Variants in ZNF318 observed in about 807,000 individuals in gnomAD.
The protein encoded by ZNF318 is endocrine regulator.
A neutral mutation model predicts 124.2 loss-of-function variants in ZNF318; 51 were observed. That is an observed-to-expected ratio of 0.41 (90% CI 0.33 to 0.52). The LOEUF (loss-of-function observed/expected upper bound fraction) is 0.52, where lower values mean the gene tolerates loss of function less well. Among genes scored for constraint, ZNF318 ranks in the 20% least tolerant of loss-of-function variants. The probability of loss-of-function intolerance (pLI) is 0.23; values close to 1 mark genes in which losing one functional copy is unlikely to be tolerated. For synonymous variants in ZNF318, 1,090 were observed against 1,040.7 expected, an observed-to-expected ratio of 1.05 and a Z score of -0.91; for missense variants, 2,815 against 2,811.2, an observed-to-expected ratio of 1.00 and a Z score of -0.03.
intron 2 of ZNF318, among the ~76,000 whole-genome samples, chr6:43,358,454 G>C (rs1269965793): frequency 7.0e-6 from 1 of 142,780 alleles, no homozygotes; most frequent in East Asian, 2.1e-4. Context: ...AGTAGAGACA[G>C]GGTTTCACCA....
intron 1 of ZNF318, among the ~76,000 whole-genome samples, chr6:43,366,727 G>A (rs1779765850): frequency 6.6e-6 from 1 of 152,182 alleles, no homozygotes; most frequent in Non-Finnish European, 1.5e-5. Context: ...GATCGCTTGA[G>A]CGTGGGAGTT....
rs144311647 is a variant in ZNF318 at position 43,337,633 on chromosome 6, C to T, written c.6365G>A (p.Gly2122Glu). ...TAACAGGTCAAGGGCCTGGTGTGTT[C>T]CCTCTAGGCCCCCCAAGCCACGGTC... ...NVDRGLGGLE[G>E]THQALDLLAG... The change falls in exon 10 of 10, where the codon GGA becomes GAA. Residue 2122 changes from glycine (G) to glutamate (E), a missense_variant. By Grantham distance (98) the Gly-to-Glu change is moderately conservative. Coordinates refer to ENST00000361428, the MANE Select transcript of ZNF318 (RefSeq NM_014345.3). 1.9e-6 allele frequency: 3 copies of T among 1,614,064 alleles called. No homozygotes were observed. Among genetic ancestry groups the T allele is most frequent in the South Asian group, 2.2e-5 (2 of 91,078 alleles).
At chr6:43,357,066 A>G (rs772355333) in intron 3 of ZNF318, 60 bp downstream of exon 3, 13 of 1,519,518 alleles carry the variant, frequency 8.6e-6, no homozygotes, top group Middle Eastern at 2.1e-4. Flanking sequence ...CAGGAAAGTA[A>G]GCAGGCTTTA....
At chr6:43,342,603 A>C in intron 7 of ZNF318, 73 bp downstream of exon 7, 1 of 1,488,706 alleles carries the variant, frequency 6.7e-7, no homozygotes, top group Non-Finnish European at 9.3e-7. Context: ...CCAGCTTTGC[A>C]ATGCAGATAG....
chr6:43,345,716 ATATTCTC>A, intron 6 of ZNF318, among the ~76,000 whole-genome samples: 1 of 152,338 alleles, frequency 6.6e-6, no homozygotes, highest in East Asian at 1.9e-4. Context: ...AACACAGAAT[ATATTCTC>A]TTTCCTACCT....
intron 1 of ZNF318, among the ~76,000 whole-genome samples, chr6:43,367,982 G>A (rs1414538035): frequency 6.6e-6 from 1 of 152,158 alleles, no homozygotes. Context: ...CTGAGATCAT[G>A]CCATTGCACT....
intron 1 of ZNF318, among the ~76,000 whole-genome samples, chr6:43,367,156 T>C (rs983612115): frequency 2.6e-5 from 4 of 152,210 alleles, no homozygotes; most frequent in African/African-American, 4.8e-5. Context: ...GGCCCTATTT[T>C]AGTACTTCTT....
At chr6:43,351,602 A>G (rs1779525099) in intron 5 of ZNF318, among the ~76,000 whole-genome samples, 2 of 152,036 alleles carry the variant, frequency 1.3e-5, no homozygotes, top group African/African-American at 4.8e-5. Context: ...TGCTACTAAA[A>G]TTACAAAAAT....
intron 1 of ZNF318, among the ~76,000 whole-genome samples, chr6:43,368,321 T>C (rs999245840): frequency 2.0e-5 from 3 of 152,296 alleles, no homozygotes; most frequent in East Asian, 3.9e-4. Context: ...CAACAAGGAA[T>C]AGTATTAACT....
rs1343337700 is a variant in ZNF318, at chr6:43,338,897, A to T, written c.5101T>A (p.Ser1701Thr). ...CTAGTGTCACTCTGGAAGGAACTAG[A>T]GGTCCATATGGCCAAAGTGTCTGTC... ...PKTDTLAIWT[S>T]SSFQSDTSRD... Residue 1701 changes from serine to threonine, a missense_variant, in exon 10 of 10, where the codon TCT (serine) becomes ACT (threonine). Transcript: ENST00000361428. 8.7e-6 allele frequency: 14 copies of T among 1,614,002 alleles called. No homozygotes were observed. Among genetic ancestry groups the T allele is most frequent in the Middle Eastern group, 1.6e-4 (1 of 6,084 alleles).
intron 7 of ZNF318, 115 bp downstream of exon 7, chr6:43,342,561 G>C: frequency 8.8e-7 from 1 of 1,130,600 alleles, no homozygotes. Flanking sequence ...CTTCAGACTG[G>C]GGCTCCTGCC....
At chr6:43,348,701 T>C in intron 5 of ZNF318, 76 bp from the exon 6 acceptor site, 3 of 1,498,304 alleles carry the variant, frequency 2.0e-6, no homozygotes, top group Non-Finnish European at 1.8e-6. Context: ...AGCAATAATT[T>C]GTCAGGGCTT....
At chr6:43,354,636 G>C (rs761933510) in intron 4 of ZNF318, 28 bp downstream of exon 4, 1 of 1,546,480 alleles carries the variant, frequency 6.5e-7, no homozygotes, top group East Asian at 2.3e-5. Context: ...GAAAACTCAG[G>C]CACAGGATAC....
chr6:43,369,489 G>A lies in ZNF318; in HGVS notation c.-124C>T, dbSNP rs1581655113. On this transcript the variant is annotated 5_prime_UTR_variant, in exon 1 of 10. Coordinates refer to ENST00000361428, the MANE Select transcript of ZNF318 (RefSeq NM_014345.3). ...GCCGCTGCGCGCCGCCTCAGCCGCGGGAGCAGCCCCCTCCCCTCGGCCCCG... is the reference window on the plus strand; with the variant it reads ...GCCGCTGCGCGCCGCCTCAGCCGCGAGAGCAGCCCCCTCCCCTCGGCCCCG... 1.0e-5 allele frequency: 8 copies of A among 780,732 alleles called. No individual in the cohort carries two copies. The highest frequency in any genetic ancestry group is 1.3e-5 in the Non-Finnish European group (8 of 623,934). 48.4% of individuals were successfully genotyped at this position (780,732 alleles called of 1,614,324 possible).
chr6:43,357,428 T>A lies in ZNF318; in HGVS notation c.886A>T (p.Thr296Ser). 1 of 1,613,984 alleles carries A rather than the reference T, an allele frequency of 6.2e-7. No individual in the cohort carries two copies. The highest frequency in any genetic ancestry group is 8.5e-7 in the Non-Finnish European group (1 of 1,179,964). The change falls in exon 3 of 10, where the codon ACT becomes TCT. Residue 296 changes from threonine to serine, a missense_variant. Around this residue, in one of 4 missense-constraint regions of ZNF318, gnomAD observed 1,377 missense variants for 1,353.5 expected, o/e 1.02. Transcript: ENST00000361428. ...CTTCTACGCTGTCGATAGTTGCGAGTTCCTGATGTAAAACTTGGGTGATCC... is the reference window on the plus strand; with the variant it reads ...CTTCTACGCTGTCGATAGTTGCGAGATCCTGATGTAAAACTTGGGTGATCC... Reference protein sequence around the residue: ...GGDHPSFTSGTRNYRQRRRSP... With the variant: ...GGDHPSFTSGSRNYRQRRRSP...
Position 43,339,727 on chromosome 6 carries a change from T to A in ZNF318, c.4271A>T (p.Lys1424Ile). The change falls in exon 10 of 10, where the codon AAA (lysine) becomes ATA (isoleucine). Residue 1424 changes from lysine (K) to isoleucine (I), a missense_variant. Around this residue, in one of 4 missense-constraint regions of ZNF318, gnomAD observed 500 missense variants for 605.2 expected, o/e 0.83. Coordinates refer to ENST00000361428, the MANE Select transcript of ZNF318 (RefSeq NM_014345.3). This position sits in a 1 kb window ranked among gnomAD's most constrained non-coding sequence, Gnocchi z 4.2. ...EVILKGSPEE[K>I]VVLAEKSEPS... ...CTCACTCTTTTCAGCCAACACCACTTTTTCCTCTGGAGACCCTTTTAGAAT... is the reference window on the plus strand; with the variant it reads ...CTCACTCTTTTCAGCCAACACCACTATTTCCTCTGGAGACCCTTTTAGAAT... 4 of 1,614,058 alleles carry A rather than the reference T, an allele frequency of 2.5e-6. No homozygotes were observed. Among genetic ancestry groups the A allele is most frequent in the Non-Finnish European group, 3.4e-6 (4 of 1,180,002 alleles).
intron 7 of ZNF318, 55 bp from the exon 8 acceptor site, chr6:43,342,266 A>T: frequency 7.0e-7 from 1 of 1,420,048 alleles, no homozygotes; most frequent in African/African-American, 1.4e-5. Context: ...TCAATGACCC[A>T]CTTTTCTCTT....
chr6:43,364,558 T>TG (rs1779734333), intron 2 of ZNF318, among the ~76,000 whole-genome samples: 1 of 152,236 alleles, frequency 6.6e-6, no homozygotes, highest in African/African-American at 2.4e-5. Flanking sequence ...CCCAATGTGC[T>TG]GGGCAGAGAC....
Position 43,338,641 on chromosome 6 carries a change from T to G in ZNF318, c.5357A>C (p.Lys1786Thr). 6.2e-7 allele frequency: 1 copy of G among 1,614,150 alleles called. No homozygotes were observed. Among genetic ancestry groups the G allele is most frequent in the Non-Finnish European group, 8.5e-7 (1 of 1,180,016 alleles). Residue 1786 changes from lysine (K) to threonine (T), a missense_variant, in exon 10 of 10, where the codon AAG becomes ACG. By Grantham distance (78) the Lys-to-Thr change is moderately conservative. Transcript: ENST00000361428. ...ATCAACTATCCCCTCAGACAGCTCCTTTACCCTTTCTTTTAGTTCAGTGTT... is the reference window on the plus strand; with the variant it reads ...ATCAACTATCCCCTCAGACAGCTCCGTTACCCTTTCTTTTAGTTCAGTGTT... ...ETNTELKERV[K>T]ELSEGIVDEG...
Sources: allele counts gnomAD v4.1 joint callset (sites outside exome capture counted in the v4.1 genomes callset), GRCh38; gene constraint gnomAD v4.1.1; regional missense constraint gnomAD v4.1.1; non-coding constraint Gnocchi (gnomAD v3.1); transcripts MANE v1.5; gene names NCBI Gene and HGNC (gene_info 2026-07-23, HGNC 2026-07-21).